Variants in NFAT5 observed in about 807,000 individuals in gnomAD.
NFAT5 encodes the protein nuclear factor of activated T cells 5, also known as nuclear factor of activated T-cells 5.
In NFAT5, 31 loss-of-function variants were observed where a neutral mutation model predicts 166.5. That is an observed-to-expected ratio of 0.19 (90% CI 0.14 to 0.25). The LOEUF (loss-of-function observed/expected upper bound fraction) is 0.25, where lower values mean the gene tolerates loss of function less well. Among genes scored for constraint, NFAT5 ranks in the 10% least tolerant of loss-of-function variants. The pLI is 1.00. For synonymous variants in NFAT5, 612 were observed against 639.7 expected (o/e 0.96, Z 0.65); for missense variants, 1,449 against 1,821.8 (o/e 0.80, Z 3.72).
chr16:69,621,363 T>C (rs927111499), intron 2 of NFAT5, among the ~76,000 whole-genome samples: 4 of 152,148 alleles, frequency 2.6e-5, no homozygotes, highest in African/African-American at 9.7e-5. Flanking sequence ...TGTGTAACCA[T>C]TGCCATTTTT....
intron 2 of NFAT5, among the ~76,000 whole-genome samples, chr16:69,583,304 ATCC>A (rs2031822886): frequency 6.6e-6 from 1 of 151,922 alleles, no homozygotes; most frequent in South Asian, 2.1e-4. Context: ...GGCTAAAGCA[ATCC>A]TCCTGCCTCA....
At position 69,692,900 on chromosome 16, in the gene NFAT5, C is replaced by A. The variant is rs767419485; in HGVS notation, c.3075C>A (p.Thr1025=). 2 of 1,614,018 alleles carry A rather than the reference C, an allele frequency of 1.2e-6. No homozygotes were observed. The highest frequency in any genetic ancestry group is 2.7e-5 in the African/African-American group (2 of 74,910). The part of the protein sequence containing the change: ...AKQIQNSVFQ[T]MVQMQHSGDN... ...AGATTCAGAACAGTGTCTTTCAGACCATGGTCCAAATGCAACATAGTGGGG... is the reference window on the plus strand; with the variant it reads ...AGATTCAGAACAGTGTCTTTCAGACAATGGTCCAAATGCAACATAGTGGGG... Residue 1025 remains threonine (T), a synonymous_variant, in exon 13 of 15, where the codon ACC becomes ACA. Transcript: ENST00000349945.
intron 3 of NFAT5, 34 bp from the exon 4 acceptor site, chr16:69,646,994 T>C (rs576853815): frequency 4.0e-6 from 6 of 1,491,662 alleles, no homozygotes; most frequent in Admixed American, 4.4e-5. Context: ...TGAAAACATG[T>C]ATAGTGTATT....
In NFAT5 at chr16:69,684,883, A is replaced by C; in HGVS notation, c.1691-4A>C. 1.3e-6 allele frequency: 2 copies of C among 1,591,220 alleles called. No homozygotes were observed. Among genetic ancestry groups the C allele is most frequent in the Non-Finnish European group, 1.7e-6 (2 of 1,170,106 alleles). On this transcript the variant is annotated splice_polypyrimidine_tract_variant and splice_region_variant and intron_variant, in intron 10 of 14. Transcript: ENST00000349945. ...GATAAATACATTAATCTTTTTTTTA[A>C]TAGCAGCAGCTGGTGCTTTGAATGT... is the stretch of plus-strand genomic sequence containing the variant.
At chr16:69,607,903 GT>G (rs2033499111) in intron 2 of NFAT5, among the ~76,000 whole-genome samples, 1 of 151,856 alleles carries the variant, frequency 6.6e-6, no homozygotes, top group Non-Finnish European at 1.5e-5. Context: ...TCATGTGTTT[GT>G]TTTCCTCACA....
intron 2 of NFAT5, among the ~76,000 whole-genome samples, chr16:69,620,302 C>A (rs563118062): frequency 6.6e-6 from 1 of 152,234 alleles, no homozygotes; most frequent in East Asian, 1.9e-4. Context: ...TCGCACTTGC[C>A]CTAATTCTAC....
In NFAT5 at chr16:69,566,694, C is replaced by T. The variant is rs1443979599; in HGVS notation, c.73+320C>T. 2.0e-5 allele frequency among the ~76,000 whole-genome samples: 3 copies of T among 152,066 alleles called. No individual in the cohort carries two copies. Among genetic ancestry groups the T allele is most frequent in the East Asian group, 3.9e-4 (2 of 5,154 alleles). ...CCCGCCAGGCTCCGCGAGCCGCCGG[C>T]CCCGGCCTCCCGGGCTCGGGGATGG... On this transcript the variant is annotated intron_variant, in intron 1 of 14. Coordinates refer to ENST00000349945, the MANE Select transcript of NFAT5 (RefSeq NM_138713.4). The surrounding 1 kb of genome is among the most constrained non-coding windows in gnomAD (Gnocchi z 5.7).
intron 6 of NFAT5, among the ~76,000 whole-genome samples, chr16:69,656,545 A>C (rs538099235): frequency 2.9e-4 from 44 of 150,816 alleles, no homozygotes; most frequent in African/African-American, 1.0e-3. Flanking sequence ...TCTGCCTCCC[A>C]GGTTCAAGTG....
At chr16:69,567,575 T>A (rs1478366213) in intron 1 of NFAT5, among the ~76,000 whole-genome samples, 1 of 152,220 alleles carries the variant, frequency 6.6e-6, no homozygotes, top group East Asian at 1.9e-4. Flanking sequence ...CTAGTGTATC[T>A]AAATTGTTTA....
intron 2 of NFAT5, among the ~76,000 whole-genome samples, chr16:69,602,535 G>T (rs1311726099): frequency 2.6e-5 from 4 of 151,022 alleles, no homozygotes; most frequent in African/African-American, 9.7e-5. Flanking sequence ...CCAAAGTGCT[G>T]GGATTACAGG....
chr16:69,676,061 C>G (rs1331611782), intron 9 of NFAT5, among the ~76,000 whole-genome samples: 1 of 152,142 alleles, frequency 6.6e-6, no homozygotes, highest in East Asian at 1.9e-4. Flanking sequence ...ATTTTCTATT[C>G]AACTGAGTCA....
chr16:69,643,504 T>C (rs2035306163), intron 3 of NFAT5, among the ~76,000 whole-genome samples: 1 of 152,110 alleles, frequency 6.6e-6, no homozygotes, highest in Non-Finnish European at 1.5e-5. Flanking sequence ...TTACTTATAA[T>C]TTAAGGAAAT....
chr16:69,695,232 C>T lies in NFAT5; in HGVS notation c.4511C>T (p.Pro1504Leu), dbSNP rs1476849151. 6.2e-7 allele frequency: 1 copy of T among 1,614,210 alleles called. No homozygotes were observed. Among genetic ancestry groups the T allele is most frequent in the South Asian group, 1.1e-5 (1 of 91,092 alleles). Residue 1504 changes from proline to leucine, a missense_variant, in exon 14 of 15, where the codon CCT becomes CTT. By Grantham distance (98) the Pro-to-Leu change is moderately conservative. Transcript: ENST00000349945. The stretch of plus-strand genomic sequence containing the variant: ...CAACCACAAAACGAGGGCCAGCCAC[C>T]TGTGACAACACTTCTTTCTCAGCAA... ...PGQPQNEGQP[P>L]VTTLLSQQMP...
At chr16:69,569,520 TG>T (rs754459551) in intron 2 of NFAT5, among the ~76,000 whole-genome samples, 1 of 152,148 alleles carries the variant, frequency 6.6e-6, no homozygotes, top group East Asian at 1.9e-4. Context: ...TCCGGGATAG[TG>T]GGGGGCAAGT....
intron 10 of NFAT5, among the ~76,000 whole-genome samples, chr16:69,681,912 C>T (rs2037075757): frequency 7.2e-6 from 1 of 139,510 alleles, no homozygotes; most frequent in Admixed American, 7.1e-5. Context: ...AGCAAGACTC[C>T]ATCTGAAAAA....
chr16:69,614,991 C>T (rs1436995227), intron 2 of NFAT5, among the ~76,000 whole-genome samples: 2 of 151,220 alleles, frequency 1.3e-5, no homozygotes, highest in Non-Finnish European at 2.9e-5. Context: ...ATTCTTGTGC[C>T]TCAGCCTCCT....
At chr16:69,601,832 G>C (rs1317282839) in intron 2 of NFAT5, among the ~76,000 whole-genome samples, 1 of 152,080 alleles carries the variant, frequency 6.6e-6, no homozygotes, top group Non-Finnish European at 1.5e-5. Context: ...ACTTAAATTT[G>C]TCTTTTATTT....
chr16:69,628,717 C>G (rs1184008518), intron 3 of NFAT5, among the ~76,000 whole-genome samples: 1 of 152,082 alleles, frequency 6.6e-6, no homozygotes. Flanking sequence ...AGCCAGAAGG[C>G]TAGATAGATG....
At chr16:69,669,927 G>GA (rs1160702482) in intron 7 of NFAT5, 50 bp from the exon 8 acceptor site, 1 of 1,492,830 alleles carries the variant, frequency 6.7e-7, no homozygotes, top group Non-Finnish European at 8.9e-7. Context: ...TTTTAGGTAA[G>GA]AAATAAGTTT....
Sources: allele counts gnomAD v4.1 joint callset (sites outside exome capture counted in the v4.1 genomes callset), GRCh38; gene constraint gnomAD v4.1.1; non-coding constraint Gnocchi (gnomAD v3.1); transcripts MANE v1.5; gene names NCBI Gene and HGNC (gene_info 2026-07-23, HGNC 2026-07-21).